ROCK2: variants seen among roughly 807,000 people sequenced by gnomAD.
The protein encoded by ROCK2 is rho-associated protein kinase 2.
In ROCK2, 61 loss-of-function variants were observed where a neutral mutation model predicts 195.1. That is an observed-to-expected ratio of 0.31 (90% CI 0.25 to 0.39). The LOEUF is 0.39. Among genes scored for constraint, ROCK2 ranks in the 10% least tolerant of loss-of-function variants. The pLI is 1.00. For synonymous variants in ROCK2, 504 were observed against 545.5 expected (o/e 0.92, Z 1.06); for missense variants, 1,109 against 1,637.4 (o/e 0.68, Z 5.57).
chr2:11,233,481 T>A (rs1446697894), intron 5 of ROCK2, among the ~76,000 whole-genome samples: 1 of 152,136 alleles, frequency 6.6e-6, no homozygotes, highest in Admixed American at 6.5e-5. Context: ...GATGTAGTAG[T>A]TTCACTTCTA....
At chr2:11,336,898 C>T (rs899880825) in intron 1 of ROCK2, among the ~76,000 whole-genome samples, 15 of 152,096 alleles carry the variant, frequency 9.9e-5, no homozygotes, top group East Asian at 5.8e-4. Context: ...ATGAGGATGG[C>T]GACAATTACT....
chr2:11,331,109 G>A (rs1668753912), intron 1 of ROCK2, among the ~76,000 whole-genome samples: 1 of 151,802 alleles, frequency 6.6e-6, no homozygotes, highest in African/African-American at 2.4e-5. Context: ...CAAGAAAAAA[G>A]AAAAAGGTAC....
intron 3 of ROCK2, among the ~76,000 whole-genome samples, chr2:11,281,129 C>A (rs1388941036): frequency 6.9e-6 from 1 of 144,820 alleles, no homozygotes; most frequent in African/African-American, 2.6e-5. Flanking sequence ...ATCACACCAA[C>A]AGGCTAAAAA....
At chr2:11,220,053 G>C (rs754272578) in intron 9 of ROCK2, among the ~76,000 whole-genome samples, 43 of 152,084 alleles carry the variant, frequency 2.8e-4, no homozygotes, top group Middle Eastern at 3.4e-3. Flanking sequence ...TTTCGCTCTT[G>C]TTGCCCAGGC....
chr2:11,336,680 T>C (rs1668938939), intron 1 of ROCK2, among the ~76,000 whole-genome samples: 1 of 152,116 alleles, frequency 6.6e-6, no homozygotes, highest in African/African-American at 2.4e-5. Context: ...TTAACAAAGG[T>C]GCCAAAGCAA....
chr2:11,198,455 A>G, intron 25 of ROCK2, 36 bp downstream of exon 25: 1 of 1,418,612 alleles, frequency 7.0e-7, no homozygotes, highest in Middle Eastern at 2.4e-4. Context: ...AACTGAGACA[A>G]AATTCAAAAT....
In ROCK2 at chr2:11,309,022, C is replaced by T. The variant is rs887694246; in HGVS notation, c.142-21286G>A. 1.2e-4 allele frequency: 181 copies of T among 1,564,736 alleles called. 3 individuals carry two copies. The highest frequency in any genetic ancestry group is 6.0e-4 in the Admixed American group (33 of 54,974). ...CATAGCTCTGTGTAGCGTATTCACCCTTCAACAGGCAGGAAGCAAGCCGTA... is the reference window on the plus strand; with the variant it reads ...CATAGCTCTGTGTAGCGTATTCACCTTTCAACAGGCAGGAAGCAAGCCGTA... On this transcript the variant is annotated intron_variant, in intron 1 of 32. Coordinates refer to ENST00000315872, the MANE Select transcript of ROCK2 (RefSeq NM_004850.5).
intron 9 of ROCK2, among the ~76,000 whole-genome samples, chr2:11,219,236 C>A (rs1484060795): frequency 1.4e-5 from 2 of 145,370 alleles, no homozygotes; most frequent in Non-Finnish European, 3.0e-5. Context: ...TGGTGGTTCA[C>A]ACCTATAATC....
intron 3 of ROCK2, among the ~76,000 whole-genome samples, chr2:11,262,406 AG>A (rs1666258728): frequency 6.6e-6 from 1 of 152,178 alleles, no homozygotes; most frequent in East Asian, 1.9e-4. Flanking sequence ...GACATTCCTA[AG>A]TGTAGCCAGA....
Position 11,222,159 on chromosome 2 carries a change from C to T in ROCK2, c.1023G>A (p.Gly341=). The T allele has an allele frequency of 6.2e-7, 1 of 1,607,234 alleles. No individual in the cohort carries two copies. Among genetic ancestry groups the T allele is most frequent in the Non-Finnish European group, 8.5e-7 (1 of 1,174,466 alleles). Reference sequence around the variant, plus strand: ...GTCTGATTTCTTCCACCCCATTTCTCCCAAGTCGTACCTCCCTAAACAATG... The same window carrying T: ...GTCTGATTTCTTCCACCCCATTTCTTCCAAGTCGTACCTCCCTAAACAATG... ...AFLTDREVRL[G]RNGVEEIRQH... Residue 341 remains glycine (G), a synonymous_variant, in exon 8 of 33, where the codon GGG becomes GGA. Coordinates refer to ENST00000315872, the MANE Select transcript of ROCK2 (RefSeq NM_004850.5).
Position 11,344,038 on chromosome 2 carries a change from C to G in ROCK2, c.99G>C (p.Leu33=). 5.0e-6 allele frequency: 8 copies of G among 1,587,770 alleles called. No individual in the cohort carries two copies. Among genetic ancestry groups the G allele is most frequent in the Non-Finnish European group, 6.8e-6 (8 of 1,168,476 alleles). The part of the protein sequence containing the change: ...GASRQRKLEA[L]IRDPRSPINV... ...TGATGGGGGAGCGAGGGTCTCGGAT[C>G]AGCGCCTCCAGCTTCCTCTGGCGGC... Residue 33 remains leucine, a synonymous_variant, in exon 1 of 33, where the codon CTG becomes CTC. Coordinates refer to ENST00000315872, the MANE Select transcript of ROCK2 (RefSeq NM_004850.5). This position sits in a 1 kb window ranked among gnomAD's most constrained non-coding sequence, Gnocchi z 5.4.
chr2:11,307,328 T>C, intron 1 of ROCK2, among the ~76,000 whole-genome samples: 1 of 152,232 alleles, frequency 6.6e-6, no homozygotes, highest in Non-Finnish European at 1.5e-5. Flanking sequence ...TGTTTATTTG[T>C]TTCTGAGACG....
At chr2:11,254,038 G>C (rs1411310361) in intron 3 of ROCK2, among the ~76,000 whole-genome samples, 1 of 152,138 alleles carries the variant, frequency 6.6e-6, no homozygotes, top group South Asian at 2.1e-4. Context: ...ATTTTATTAG[G>C]GGAGTGGGTT....
At chr2:11,211,552 G>C in intron 18 of ROCK2, 129 bp downstream of exon 18, 1 of 826,800 alleles carries the variant, frequency 1.2e-6, no homozygotes, top group Non-Finnish European at 1.8e-6. Context: ...TTCCCTAATA[G>C]TTTTTTTCCC....
chr2:11,268,481 T>G (rs1014033115), intron 3 of ROCK2, among the ~76,000 whole-genome samples: 4 of 84,806 alleles, frequency 4.7e-5, no homozygotes, highest in African/African-American at 1.2e-4. Context: ...TGTGTGTGTT[T>G]TTTTCCTTGT....
rs1157968641 is a variant in ROCK2, at chr2:11,317,603, TATATATATA to T, written c.141+26384_141+26392del. 2.1e-3 allele frequency among the ~76,000 whole-genome samples: 44 copies of T among 20,926 alleles called. 4 individuals carry two copies. The highest frequency in any genetic ancestry group is 0.015 in the East Asian group (4 of 260). The allele number at this position is 20,926 out of a possible 152,430, so 13.7% of individuals were successfully genotyped here. ...ATATATATATATATATATATATATA[TATATATATA>T]TTTTTTTTTTTTTTTAATTATACTT... On this transcript the variant is annotated intron_variant, in intron 1 of 32. Transcript: ENST00000315872.
chr2:11,227,852 T>C (rs1025824246), intron 5 of ROCK2, among the ~76,000 whole-genome samples: 1 of 152,064 alleles, frequency 6.6e-6, no homozygotes, highest in Non-Finnish European at 1.5e-5. Context: ...GGAGACTGAA[T>C]AAAGAATTGG....
chr2:11,199,946 AC>A (rs1572233107), intron 23 of ROCK2, among the ~76,000 whole-genome samples: 1 of 152,158 alleles, frequency 6.6e-6, no homozygotes, highest in Non-Finnish European at 1.5e-5. Context: ...AATTTATACT[AC>A]CCATAGTGAA....
At chr2:11,306,287 T>C (rs542192857) in intron 1 of ROCK2, among the ~76,000 whole-genome samples, 141 of 152,324 alleles carry the variant, frequency 9.3e-4, no homozygotes, top group African/African-American at 3.3e-3. Flanking sequence ...CTCACACCCA[T>C]ATAACTGCAC....
Sources: allele counts gnomAD v4.1 joint callset (sites outside exome capture counted in the v4.1 genomes callset), GRCh38; gene constraint gnomAD v4.1.1; non-coding constraint Gnocchi (gnomAD v3.1); transcripts MANE v1.5; gene names NCBI Gene and HGNC (gene_info 2026-07-23, HGNC 2026-07-21).